The following TNRC6B variants were observed in gnomAD, a reference collection of about 807,000 sequenced individuals.
The protein encoded by TNRC6B is trinucleotide repeat-containing gene 6B protein.
Under a neutral mutation model 203.6 loss-of-function variants are expected in TNRC6B, and 52 were observed. The observed-to-expected ratio is 0.26, with a 90% confidence interval of 0.20 to 0.32. The LOEUF (loss-of-function observed/expected upper bound fraction) is 0.32. Among genes scored for constraint, TNRC6B ranks in the 10% least tolerant of loss-of-function variants. The pLI is 1.00. For synonymous variants in TNRC6B, 838 were observed against 845.7 expected (o/e 0.99, Z 0.16); for missense variants, 1,923 against 2,286.2 (o/e 0.84, Z 3.24).
chr22:40,180,437 C>T (rs1201448128), intron 1 of TNRC6B, among the ~76,000 whole-genome samples: 1 of 152,198 alleles, frequency 6.6e-6, no homozygotes, highest in Admixed American at 6.5e-5. Flanking sequence ...GAGAATGATA[C>T]AATGAATGCC....
chr22:40,296,602 G>A (rs13057224), intron 12 of TNRC6B, among the ~76,000 whole-genome samples: 4,137 of 150,796 alleles, frequency 0.027, 85 homozygotes, highest in Middle Eastern at 0.052. Context: ...AAAGTGCTGG[G>A]ATTACAGGCG....
intron 3 of TNRC6B, among the ~76,000 whole-genome samples, chr22:40,139,232 G>A (rs1475800943): frequency 3.3e-5 from 5 of 151,900 alleles, no homozygotes; most frequent in Non-Finnish European, 7.4e-5. Flanking sequence ...CTTTCAGTTA[G>A]CATCATGTTT....
intron 15 of TNRC6B, among the ~76,000 whole-genome samples, chr22:40,304,295 T>C (rs2071063049): frequency 1.3e-5 from 2 of 152,242 alleles, no homozygotes; most frequent in Non-Finnish European, 2.9e-5. Flanking sequence ...ACAGATGGTT[T>C]CTAATTCTGT....
chr22:40,293,937 C>T (rs2070902916), intron 12 of TNRC6B, among the ~76,000 whole-genome samples: 1 of 149,958 alleles, frequency 6.7e-6, no homozygotes, highest in South Asian at 2.1e-4. Context: ...AAAGTGTCTG[C>T]TCTACCTAGA....
At chr22:40,078,963 A>G (rs1183135038) in intron 1 of TNRC6B, among the ~76,000 whole-genome samples, 1 of 151,792 alleles carries the variant, frequency 6.6e-6, no homozygotes, top group Non-Finnish European at 1.5e-5. Flanking sequence ...AATCTCAGCT[A>G]CTTGGGAGGC....
Position 40,265,255 on chromosome 22 carries a change from C to T in TNRC6B, c.1025C>T (p.Thr342Ile). The T allele has an allele frequency of 1.2e-6, 2 of 1,613,994 alleles. No individual in the cohort carries two copies. Among genetic ancestry groups the T allele is most frequent in the Middle Eastern group, 1.6e-4 (1 of 6,062 alleles). ...SSAQVSTVGQ[T>I]SREQQSKMEN... ...GCACAGGTTAGCACAGTAGGTCAGA[C>T]ATCCAGGGAACAGCAGTCAAAGATG... Residue 342 changes from threonine to isoleucine, a missense_variant, in exon 5 of 23, where the codon ACA (threonine) becomes ATA (isoleucine). Around this residue, in one of 8 missense-constraint regions of TNRC6B, gnomAD observed 614 missense variants for 587.7 expected, o/e 1.04. Coordinates refer to ENST00000454349, the MANE Select transcript of TNRC6B (RefSeq NM_001162501.2).
intron 3 of TNRC6B, among the ~76,000 whole-genome samples, chr22:40,152,926 C>G (rs1160133737): frequency 6.6e-6 from 1 of 151,758 alleles, no homozygotes. Flanking sequence ...CATGGTGAAC[C>G]CCTGTCTGTA....
At chr22:40,277,210 A>G (rs745923474) in intron 8 of TNRC6B, 59 bp downstream of exon 8, 173 of 1,310,916 alleles carry the variant, frequency 1.3e-4, no homozygotes, top group Non-Finnish European at 1.8e-4. Context: ...TAATATTAAT[A>G]CCAATTTTAA....
rs571740631 is a variant in TNRC6B, at chr22:40,084,625, C to A, written c.-120-32430C>A. ...GAGGAGGTGCTATTTATGCTCAGAT[C>A]TGGATGATAAAATGATGAGTGGAGA... On this transcript the variant is annotated intron_variant, in intron 1 of 23. Transcript: ENST00000301923. Among the ~76,000 whole-genome samples, 6 of 152,188 alleles carry A rather than the reference C, an allele frequency of 3.9e-5. No homozygotes were observed. In the South Asian group the frequency reaches 1.2e-3, roughly 32 times the overall value.
intron 1 of TNRC6B, among the ~76,000 whole-genome samples, chr22:40,110,088 T>A (rs747960928): frequency 1.3e-5 from 2 of 152,078 alleles, no homozygotes; most frequent in African/African-American, 2.4e-5. Context: ...AGAACAAAGG[T>A]TTTTCTTTAA....
intron 1 of TNRC6B, among the ~76,000 whole-genome samples, chr22:40,074,121 A>G (rs1480699756): frequency 2.0e-5 from 3 of 151,282 alleles, no homozygotes; most frequent in African/African-American, 4.9e-5. Context: ...AGTCCCAGCT[A>G]CTCAGGAGGC....
At chr22:40,171,569 A>AT (rs2068999321) in intron 4 of TNRC6B, among the ~76,000 whole-genome samples, 1 of 151,710 alleles carries the variant, frequency 6.6e-6, no homozygotes, top group Non-Finnish European at 1.5e-5. Context: ...TTGAACTTGT[A>AT]TTTTTTTTTA....
Position 40,241,644 on chromosome 22 carries a change from G to C in TNRC6B, c.6-4371G>C, listed in dbSNP as rs2070030287. On this transcript the variant is annotated intron_variant, in intron 1 of 22. Transcript: ENST00000454349. ...GTCATGTAACTCACAGTTTGAATTTGTCCCATAGCTGATGATGTTCACATG... is the reference window on the plus strand; with the variant it reads ...GTCATGTAACTCACAGTTTGAATTTCTCCCATAGCTGATGATGTTCACATG... Among the ~76,000 whole-genome samples the C allele has an allele frequency of 3.3e-5, 5 of 152,200 alleles. No individual in the cohort carries two copies. In the South Asian group the frequency reaches 8.3e-4, roughly 25 times the overall value.
At chr22:40,239,271 T>C (rs527838465) in intron 1 of TNRC6B, among the ~76,000 whole-genome samples, 11 of 152,344 alleles carry the variant, frequency 7.2e-5, no homozygotes, top group Admixed American at 1.3e-4. Flanking sequence ...AGTCAGTTCC[T>C]GGACATCCTA....
intron 1 of TNRC6B, among the ~76,000 whole-genome samples, chr22:40,187,184 T>C (rs1393526811): frequency 6.6e-6 from 1 of 152,210 alleles, no homozygotes; most frequent in East Asian, 1.9e-4. Context: ...GGGAGGGTTA[T>C]GCGAAGTAAA....
intron 2 of TNRC6B, among the ~76,000 whole-genome samples, chr22:40,249,943 C>G (rs2070163998): frequency 6.6e-6 from 1 of 152,166 alleles, no homozygotes; most frequent in Non-Finnish European, 1.5e-5. Context: ...ACAGGCGGAT[C>G]CTTTAACTCT....
chr22:40,113,773 C>T (rs1209317946), intron 1 of TNRC6B, among the ~76,000 whole-genome samples: 2 of 152,196 alleles, frequency 1.3e-5, no homozygotes, highest in Non-Finnish European at 2.9e-5. Context: ...CTGTCTGCCA[C>T]CAAGTCTCCT....
At chr22:40,182,240 G>A (rs2069141906) in intron 1 of TNRC6B, among the ~76,000 whole-genome samples, 1 of 150,538 alleles carries the variant, frequency 6.6e-6, no homozygotes, top group South Asian at 2.1e-4. Flanking sequence ...GGGAGACTCC[G>A]TCTCAAAAAA....
intron 1 of TNRC6B, among the ~76,000 whole-genome samples, chr22:40,102,893 A>T (rs1002007393): frequency 3.3e-5 from 5 of 152,088 alleles, no homozygotes; most frequent in Admixed American, 2.0e-4. Context: ...CCTGGCCAAC[A>T]TGGTGAAACC....
Sources: allele counts gnomAD v4.1 joint callset (sites outside exome capture counted in the v4.1 genomes callset), GRCh38; gene constraint gnomAD v4.1.1; regional missense constraint gnomAD v4.1.1; transcripts MANE v1.5; gene names NCBI Gene and HGNC (gene_info 2026-07-23, HGNC 2026-07-21).